IKZF3: variants seen among roughly 807,000 people sequenced by gnomAD.
IKZF3 encodes IKAROS family zinc finger 3.
Under a neutral mutation model 49.0 loss-of-function variants are expected in IKZF3, and 10 were observed. The ratio of observed to expected loss-of-function variants is 0.20; its 90% CI spans 0.13 to 0.35. IKZF3 has a LOEUF of 0.35. IKZF3 is among the 10% of genes least tolerant of loss of function. The pLI is 1.00. For missense variants in IKZF3, 498 were observed against 664.8 expected, an observed-to-expected ratio of 0.75 and a Z score of 2.76; for synonymous variants, 209 against 228.2, an observed-to-expected ratio of 0.92 and a Z score of 0.76.
chr17:39,852,155 T>C (rs547580414), intron 1 of IKZF3, among the ~76,000 whole-genome samples: 1 of 152,226 alleles, frequency 6.6e-6, no homozygotes, highest in African/African-American at 2.4e-5. Context: ...ACACTACAGA[T>C]AGTGTAAATG....
chr17:39,829,585 C>A lies in IKZF3; in HGVS notation c.62-97G>T, dbSNP rs192395811. The A allele has an allele frequency of 2.1e-3, 1,672 of 807,924 alleles. 7 individuals carry two copies. The highest frequency in any genetic ancestry group is 2.7e-3 in the South Asian group (170 of 62,166). The allele number at this position is 807,924 out of a possible 1,614,324, so 50.0% of individuals were successfully genotyped here. Reference sequence around the variant, plus strand: ...CCCCCATTTAACTTTCAGCTTCACACAATCCTTTAGTGACAGATAGTACCC... The same window carrying A: ...CCCCCATTTAACTTTCAGCTTCACAAAATCCTTTAGTGACAGATAGTACCC... On this transcript the variant is annotated intron_variant, in intron 2 of 7. Coordinates refer to ENST00000346872, the MANE Select transcript of IKZF3 (RefSeq NM_012481.5).
chr17:39,813,424 T>C (rs2061607635), intron 3 of IKZF3, among the ~76,000 whole-genome samples: 1 of 151,648 alleles, frequency 6.6e-6, no homozygotes, highest in Non-Finnish European at 1.5e-5. Flanking sequence ...GCAGGAGGAT[T>C]GATTGAGTCC....
chr17:39,810,947 T>G (rs2061538108), intron 3 of IKZF3, among the ~76,000 whole-genome samples: 1 of 152,114 alleles, frequency 6.6e-6, no homozygotes, highest in East Asian at 1.9e-4. Context: ...TTTTATAAAG[T>G]GGAGAAGGAA....
chr17:39,850,708 A>AT (rs370626287), intron 1 of IKZF3, among the ~76,000 whole-genome samples: 7 of 3,706 alleles, frequency 1.9e-3, no homozygotes, highest in East Asian at 7.7e-3. Context: ...CATTATATAT[A>AT]ATACATTATA....
chr17:39,862,646 A>G (rs1168064680), intron 1 of IKZF3, among the ~76,000 whole-genome samples: 1 of 152,148 alleles, frequency 6.6e-6, no homozygotes, highest in Non-Finnish European at 1.5e-5. Flanking sequence ...AATCTATACT[A>G]TCTATCTCCA....
chr17:39,787,058 T>C (rs1210681152), intron 6 of IKZF3, among the ~76,000 whole-genome samples: 1 of 152,216 alleles, frequency 6.6e-6, no homozygotes, highest in Non-Finnish European at 1.5e-5. Flanking sequence ...TTTTGTAACT[T>C]TTCTGTTTTA....
At chr17:39,829,518 G>T in intron 2 of IKZF3, 30 bp from the exon 3 acceptor site, 1 of 1,476,902 alleles carries the variant, frequency 6.8e-7, no homozygotes. Flanking sequence ...TTAAGTATGT[G>T]GTTCAACGTT....
rs563289553 is a variant in IKZF3, at chr17:39,854,314, T to TA, written c.7+9805dup. ...CAGAAGGATGCATGCTGCATCAATT[T>TA]AAAAAAAAAAACAAGCAAGGAAATA... is the stretch of plus-strand genomic sequence containing the variant. On this transcript the variant is annotated intron_variant, in intron 1 of 7. Transcript: ENST00000346872. 1.4e-3 allele frequency among the ~76,000 whole-genome samples: 200 copies of TA among 142,860 alleles called. 1 individual carries two copies. The highest frequency in any genetic ancestry group is 2.2e-3 in the Non-Finnish European group (140 of 64,996). 93.7% of individuals were successfully genotyped at this position (142,860 alleles called of 152,430 possible).
intron 7 of IKZF3, among the ~76,000 whole-genome samples, chr17:39,767,069 C>T (rs2060313392): frequency 6.6e-6 from 1 of 152,102 alleles, no homozygotes; most frequent in Non-Finnish European, 1.5e-5. Context: ...TGGCTACTCC[C>T]CAAACTCACC....
intron 3 of IKZF3, among the ~76,000 whole-genome samples, chr17:39,794,446 G>T (rs2061111429): frequency 2.0e-5 from 3 of 152,296 alleles, no homozygotes; most frequent in African/African-American, 7.2e-5. Context: ...GCTGTGCCTG[G>T]CTTGCTACCT....
chr17:39,799,667 A>C (rs1269701239), intron 3 of IKZF3, among the ~76,000 whole-genome samples: 1 of 152,198 alleles, frequency 6.6e-6, no homozygotes, highest in East Asian at 1.9e-4. Flanking sequence ...TATGCACATT[A>C]AAGTCTGAGA....
intron 3 of IKZF3, among the ~76,000 whole-genome samples, chr17:39,794,773 G>A (rs2061120984): frequency 6.6e-6 from 1 of 152,202 alleles, no homozygotes; most frequent in African/African-American, 2.4e-5. Flanking sequence ...CTGCTTTCAA[G>A]TGGAATTTGT....
In IKZF3 at chr17:39,792,908, T is replaced by C. The variant is rs774200976; in HGVS notation, c.189A>G (p.Glu63=). Residue 63 remains glutamate (E), a synonymous_variant, in exon 4 of 8, where the codon GAA becomes GAG. Transcript: ENST00000346872. Reference sequence around the variant, plus strand: ...AAACATTCTCATCTCTTTCACTGTATTCATCTTTCACTTTCATTGAATCAT... The same window carrying C: ...AAACATTCTCATCTCTTTCACTGTACTCATCTTTCACTTTCATTGAATCAT... The part of the protein sequence containing the change: ...IGDDSMKVKD[E]YSERDENVLK... 6.2e-7 allele frequency: 1 copy of C among 1,613,804 alleles called. No individual in the cohort carries two copies. The highest frequency in any genetic ancestry group is 8.5e-7 in the Non-Finnish European group (1 of 1,179,888).
At chr17:39,787,882 T>A (rs946733400) in intron 6 of IKZF3, among the ~76,000 whole-genome samples, 14 of 152,258 alleles carry the variant, frequency 9.2e-5, no homozygotes, top group African/African-American at 3.4e-4. Context: ...ATTTCCTCTC[T>A]GGCTTCAGGT....
intron 3 of IKZF3, among the ~76,000 whole-genome samples, chr17:39,816,893 T>G (rs1397510453): frequency 1.3e-5 from 2 of 152,214 alleles, no homozygotes; most frequent in African/African-American, 2.4e-5. Flanking sequence ...TTTGTATTTT[T>G]AGTAGAGACG....
At chr17:39,793,087 C>T (rs2061070366) in intron 3 of IKZF3, among the ~76,000 whole-genome samples, 154 bp from the exon 4 acceptor site, 1 of 152,216 alleles carries the variant, frequency 6.6e-6, no homozygotes, top group African/African-American at 2.4e-5. Flanking sequence ...ATTAGCGTGA[C>T]CGCACGTTAT....
intron 1 of IKZF3, among the ~76,000 whole-genome samples, chr17:39,843,127 T>A (rs1433045848): frequency 1.3e-5 from 2 of 152,174 alleles, no homozygotes; most frequent in African/African-American, 4.8e-5. Flanking sequence ...AAAAGCAATG[T>A]GTGATCCTGA....
intron 1 of IKZF3, among the ~76,000 whole-genome samples, chr17:39,848,455 G>T (rs2062698599): frequency 6.6e-6 from 1 of 152,160 alleles, no homozygotes; most frequent in Non-Finnish European, 1.5e-5. Flanking sequence ...TCATGTCATT[G>T]CTACTTTAAA....
chr17:39,808,962 T>C (rs1252973285), intron 3 of IKZF3, among the ~76,000 whole-genome samples: 1 of 152,222 alleles, frequency 6.6e-6, no homozygotes, highest in African/African-American at 2.4e-5. Flanking sequence ...TTTCCTATTT[T>C]CTCAAGGGCT....
Sources: gnomAD v4.1 joint callset for allele counts (sites outside exome capture counted in the v4.1 genomes callset) on GRCh38, gnomAD v4.1.1 for gene constraint, MANE v1.5 for transcripts, NCBI Gene and HGNC (gene_info 2026-07-23, HGNC 2026-07-21) for gene names.